The following LAMA2 variants were observed in gnomAD, a reference collection of about 807,000 sequenced individuals.
The protein encoded by LAMA2 is laminin subunit alpha 2.
In LAMA2, 269 loss-of-function variants were observed where a neutral mutation model predicts 364.8. That is an observed-to-expected ratio of 0.74 (90% CI 0.67 to 0.82). The LOEUF (loss-of-function observed/expected upper bound fraction) is 0.82, where lower values mean the gene tolerates loss of function less well. Among genes scored for constraint, LAMA2 ranks in the 40% least tolerant of loss-of-function variants. The probability of loss-of-function intolerance (pLI) is 0.00; values close to 1 mark genes in which losing one functional copy is unlikely to be tolerated. For synonymous variants in LAMA2, 1,379 were observed against 1,370.6 expected (o/e 1.01, Z -0.14); for missense variants, 3,807 against 3,873.2 (o/e 0.98, Z 0.45).
intron 41 of LAMA2, among the ~76,000 whole-genome samples, chr6:129,433,010 A>G (rs2114751136): frequency 6.6e-6 from 1 of 152,294 alleles, no homozygotes; most frequent in African/African-American, 2.4e-5. Context: ...ACTCCCTGTG[A>G]AACAGTCATC....
At chr6:129,424,252 A>G (rs977123659) in intron 40 of LAMA2, among the ~76,000 whole-genome samples, 1 of 152,036 alleles carries the variant, frequency 6.6e-6, no homozygotes, top group Admixed American at 6.6e-5. Flanking sequence ...TAACTGTAAA[A>G]CATAAAAATA....
intron 41 of LAMA2, among the ~76,000 whole-genome samples, chr6:129,429,289 A>T (rs1278157553): frequency 6.6e-6 from 1 of 152,168 alleles, no homozygotes; most frequent in African/African-American, 2.4e-5. Context: ...TGCATAACAG[A>T]TGTATAAATT....
intron 22 of LAMA2, among the ~76,000 whole-genome samples, chr6:129,306,025 A>G (rs1212758750): frequency 1.3e-5 from 2 of 152,066 alleles, no homozygotes; most frequent in African/African-American, 2.4e-5. Flanking sequence ...GGAAACCTCC[A>G]GTCCCCTTTC....
At chr6:129,080,959 C>G (rs1774011083) in intron 3 of LAMA2, among the ~76,000 whole-genome samples, 1 of 152,062 alleles carries the variant, frequency 6.6e-6, no homozygotes, top group Non-Finnish European at 1.5e-5. Context: ...TTTATTGTGG[C>G]ACTATTCACA....
chr6:128,948,776 G>A (rs1243487124), intron 1 of LAMA2, among the ~76,000 whole-genome samples: 1 of 152,018 alleles, frequency 6.6e-6, no homozygotes, highest in Non-Finnish European at 1.5e-5. Flanking sequence ...ATCTCCCCCT[G>A]CTCTCTCTTG....
chr6:129,507,518 G>C lies in LAMA2; in HGVS notation c.8733G>C (p.Arg2911Ser), dbSNP rs1416941993. ...CCTATAGCATTGATGGCTGCGTCAG[G>C]AATCTCCACATGGCAGAGGCCCCTG... is the stretch of plus-strand genomic sequence containing the variant. ...PVTYSIDGCV[R>S]NLHMAEAPAD... The change falls in exon 62 of 65, where the codon AGG becomes AGC. Residue 2911 changes from arginine (R) to serine (S), a missense_variant. Transcript: ENST00000421865. The C allele has an allele frequency of 1.2e-6, 2 of 1,614,150 alleles. No individual in the cohort carries two copies. The highest frequency in any genetic ancestry group is 8.5e-7 in the Non-Finnish European group (1 of 1,180,004).
At chr6:129,392,990 C>T (rs984487019) in intron 36 of LAMA2, 55 bp from the exon 37 acceptor site, 1 of 1,385,808 alleles carries the variant, frequency 7.2e-7, no homozygotes, top group Non-Finnish European at 1.0e-6. Context: ...TACCAATAAA[C>T]CCTAAGGCAG....
At chr6:129,285,634 A>G (rs1789048904) in intron 18 of LAMA2, among the ~76,000 whole-genome samples, 1 of 152,102 alleles carries the variant, frequency 6.6e-6, no homozygotes, top group African/African-American at 2.4e-5. Context: ...GCACAAAGTC[A>G]CTCTCTTAGT....
At chr6:129,141,331 G>C (rs1778113440) in intron 4 of LAMA2, among the ~76,000 whole-genome samples, 1 of 151,956 alleles carries the variant, frequency 6.6e-6, no homozygotes, top group Non-Finnish European at 1.5e-5. Context: ...TGGCTCACCT[G>C]CTAGGTGCCA....
At chr6:129,321,673 A>G (rs1774976079) in intron 28 of LAMA2, among the ~76,000 whole-genome samples, 1 of 152,062 alleles carries the variant, frequency 6.6e-6, no homozygotes, top group Non-Finnish European at 1.5e-5. Context: ...GTAAGTTTTG[A>G]TGGTTAATAT....
intron 10 of LAMA2, among the ~76,000 whole-genome samples, chr6:129,181,303 A>AT (rs1780910404): frequency 6.6e-6 from 1 of 151,446 alleles, no homozygotes; most frequent in South Asian, 2.1e-4. Context: ...AAAAATGAGG[A>AT]TATTTGTACA....
At chr6:128,925,944 C>T (rs1444582161) in intron 1 of LAMA2, among the ~76,000 whole-genome samples, 2 of 152,060 alleles carry the variant, frequency 1.3e-5, no homozygotes, top group African/African-American at 4.8e-5. Context: ...CCATTTTATT[C>T]TCTTCTCTGC....
chr6:129,228,923 T>G (rs1455579862), intron 12 of LAMA2, among the ~76,000 whole-genome samples: 1 of 152,214 alleles, frequency 6.6e-6, no homozygotes, highest in Non-Finnish European at 1.5e-5. Context: ...AGAGGAGCAT[T>G]TGATTGACTG....
At chr6:129,408,539 A>G (rs1355070406) in intron 40 of LAMA2, among the ~76,000 whole-genome samples, 1 of 152,126 alleles carries the variant, frequency 6.6e-6, no homozygotes, top group Non-Finnish European at 1.5e-5. Context: ...TGGGCGTAGG[A>G]TGGGCAAATC....
rs1312050134 is a variant in LAMA2 at position 129,393,171 on chromosome 6, G to T, written c.5361G>T (p.Trp1787Cys). ...ADYKNKVDDA[W>C]DLLREATDKI... ...ACAAAAACAAAGTTGATGATGCTTGGGACCTTTTGAGAGAAGCCACAGATA... is the reference window on the plus strand; with the variant it reads ...ACAAAAACAAAGTTGATGATGCTTGTGACCTTTTGAGAGAAGCCACAGATA... Residue 1787 changes from tryptophan (W) to cysteine (C), a missense_variant, in exon 37 of 65, where the codon TGG (tryptophan) becomes TGT (cysteine). This residue lies in a region of LAMA2 where 3,333 missense variants were observed against 3,345.7 expected (regional missense o/e 1.00). Coordinates refer to ENST00000421865, the MANE Select transcript of LAMA2 (RefSeq NM_000426.4). The T allele has an allele frequency of 6.2e-7, 1 of 1,614,036 alleles. No homozygotes were observed. The highest frequency in any genetic ancestry group is 8.5e-7 in the Non-Finnish European group (1 of 1,179,948).
At chr6:129,206,081 G>GAA in intron 12 of LAMA2, among the ~76,000 whole-genome samples, 5 of 125,128 alleles carry the variant, frequency 4.0e-5, no homozygotes, top group Admixed American at 1.6e-4. Context: ...GGAAAGGAAA[G>GAA]GAGGAAGGAA....
At chr6:129,237,816 T>C (rs1239605992) in intron 12 of LAMA2, among the ~76,000 whole-genome samples, 1 of 152,060 alleles carries the variant, frequency 6.6e-6, no homozygotes, top group East Asian at 1.9e-4. Flanking sequence ...CCCTCTCTAA[T>C]AGAGTATATT....
At chr6:129,475,112 G>T (rs896868438) in intron 52 of LAMA2, among the ~76,000 whole-genome samples, 1 of 152,006 alleles carries the variant, frequency 6.6e-6, no homozygotes, top group Non-Finnish European at 1.5e-5. Context: ...TTATTAGATT[G>T]ATAAGAACAA....
intron 12 of LAMA2, among the ~76,000 whole-genome samples, chr6:129,222,580 A>G (rs1338251836): frequency 2.1e-5 from 3 of 141,574 alleles, no homozygotes; most frequent in Non-Finnish European, 4.5e-5. Flanking sequence ...CCTATGAGTG[A>G]GAATATGCGA....
Sources: gnomAD v4.1 joint callset for allele counts (sites outside exome capture counted in the v4.1 genomes callset) on GRCh38, gnomAD v4.1.1 for gene constraint, gnomAD v4.1.1 regional missense constraint, MANE v1.5 for transcripts, NCBI Gene and HGNC (gene_info 2026-07-23, HGNC 2026-07-21) for gene names.